The following SCAP variants were observed in gnomAD, a reference collection of about 807,000 sequenced individuals.
The protein encoded by SCAP is SREBF chaperone, also known as sterol regulatory element-binding protein cleavage-activating protein.
Under a neutral mutation model 123.6 loss-of-function variants are expected in SCAP, and 65 were observed. That is an observed-to-expected ratio of 0.53 (90% CI 0.43 to 0.65). SCAP has a LOEUF of 0.65. SCAP is among the 30% of genes least tolerant of loss of function. The pLI is 0.00. For synonymous variants in SCAP, 740 were observed against 726.3 expected, an observed-to-expected ratio of 1.02 and a Z score of -0.30; for missense variants, 1,398 against 1,712.5, an observed-to-expected ratio of 0.82 and a Z score of 3.24.
At position 47,420,482 on chromosome 3, in the gene SCAP, G is replaced by A. The variant is rs192968892; in HGVS notation, c.1563+72C>T. The A allele has an allele frequency of 4.4e-6, 6 of 1,375,696 alleles. No individual in the cohort carries two copies. The highest frequency in any genetic ancestry group is 1.4e-5 in the African/African-American group (1 of 69,664). The allele number at this position is 1,375,696 out of a possible 1,614,324, so 85.2% of individuals were successfully genotyped here. On this transcript the variant is annotated intron_variant, in intron 12 of 22. Transcript: ENST00000265565. This position sits in a 1 kb window ranked among gnomAD's most constrained non-coding sequence, Gnocchi z 5.0. ...ATACCCTTTGCCACTCTAAGGCCAA[G>A]TGCAGCACCACAAGGGGCCTGGAGC... is the stretch of plus-strand genomic sequence containing the variant.
chr3:47,423,956 T>G lies in SCAP; in HGVS notation c.1127A>C (p.Glu376Ala). The G allele has an allele frequency of 6.2e-7, 1 of 1,613,960 alleles. No homozygotes were observed. Among genetic ancestry groups the G allele is most frequent in the African/African-American group, 1.3e-5 (1 of 75,040 alleles). The change falls in exon 9 of 23, where the codon GAG becomes GCG. Residue 376 changes from glutamate to alanine, a missense_variant. Physicochemically the swap from Glu to Ala is moderately radical, Grantham distance 107. Coordinates refer to ENST00000265565, the MANE Select transcript of SCAP (RefSeq NM_012235.4). Reference sequence around the variant, plus strand: ...ACCTTGGGCGATCCGCAGCTTCACCTCCAGGTCTACCGGGGTTGAGACCAC... The same window carrying G: ...ACCTTGGGCGATCCGCAGCTTCACCGCCAGGTCTACCGGGGTTGAGACCAC... Reference protein sequence around the residue: ...KSVVSTPVDLEVKLRIAQGLS... With the variant: ...KSVVSTPVDLAVKLRIAQGLS...
In SCAP at chr3:47,419,473, C is replaced by T; in HGVS notation, c.1795G>A (p.Glu599Lys). 1 of 1,613,966 alleles carries T rather than the reference C, an allele frequency of 6.2e-7. No individual in the cohort carries two copies. The highest frequency in any genetic ancestry group is 8.5e-7 in the Non-Finnish European group (1 of 1,180,004). Residue 599 changes from glutamate (E) to lysine (K), a missense_variant, in exon 13 of 23, where the codon GAG (glutamate) becomes AAG (lysine). Glu to Lys is a moderately conservative substitution (Grantham distance 56, BLOSUM62 1). Coordinates refer to ENST00000265565, the MANE Select transcript of SCAP (RefSeq NM_012235.4). The surrounding 1 kb of genome is among the most constrained non-coding windows in gnomAD (Gnocchi z 5.0). ...ENQTSPGESPERGGPAEVVHD... is the reference protein window; with the variant it reads ...ENQTSPGESPKRGGPAEVVHD... Reference sequence around the variant, plus strand: ...ACAACCTCTGCTGGACCTCCACGCTCAGGTGACTCGCCTGGCGACGTCTGG... The same window carrying T: ...ACAACCTCTGCTGGACCTCCACGCTTAGGTGACTCGCCTGGCGACGTCTGG...
chr3:47,418,626 T>TGCC, intron 14 of SCAP, 29 bp downstream of exon 14: 49 of 1,459,358 alleles, frequency 3.4e-5, no homozygotes, highest in African/African-American at 4.2e-5. Flanking sequence ...CCGCACTCTT[T>TGCC]CCCACCCCAC....
intron 1 of SCAP, among the ~76,000 whole-genome samples, chr3:47,446,237 A>G (rs1707037516): frequency 6.8e-6 from 1 of 146,484 alleles, no homozygotes; most frequent in Admixed American, 6.8e-5. Context: ...GCAGTGGCAC[A>G]GTCTCAGCTT....
intron 3 of SCAP, among the ~76,000 whole-genome samples, chr3:47,433,549 C>A (rs974009902): frequency 6.6e-6 from 1 of 152,176 alleles, no homozygotes; most frequent in Non-Finnish European, 1.5e-5. Flanking sequence ...ACAAATATTC[C>A]CTTATGTGCT....
intron 1 of SCAP, among the ~76,000 whole-genome samples, chr3:47,474,067 G>C (rs12492433): frequency 6.6e-6 from 1 of 151,836 alleles, no homozygotes; most frequent in Non-Finnish European, 1.5e-5. Context: ...AGATAGAGAC[G>C]ATCCTGGCTA....
intron 2 of SCAP, among the ~76,000 whole-genome samples, chr3:47,436,694 C>T (rs557331886): frequency 2.0e-5 from 3 of 152,252 alleles, no homozygotes; most frequent in Non-Finnish European, 2.9e-5. Flanking sequence ...TCAGATCTCA[C>T]TTTCTTAAAA....
At chr3:47,448,591 G>C (rs1707141845) in intron 1 of SCAP, among the ~76,000 whole-genome samples, 1 of 151,438 alleles carries the variant, frequency 6.6e-6, no homozygotes, top group Admixed American at 6.6e-5. Context: ...CTGTTGGTCA[G>C]ACTGGATAAT....
Position 47,420,817 on chromosome 3 carries a change from G to A in SCAP, c.1345-45C>T. ...CAGGGCCTGAGTCCACCATCCAGAG[G>A]CTGCTCGCACAGGACCGCTGTCCTG... On this transcript the variant is annotated intron_variant, in intron 11 of 22. Transcript: ENST00000265565. This position sits in a 1 kb window ranked among gnomAD's most constrained non-coding sequence, Gnocchi z 5.0. 1.9e-6 allele frequency: 3 copies of A among 1,597,694 alleles called. No individual in the cohort carries two copies. The highest frequency in any genetic ancestry group is 1.1e-5 in the South Asian group (1 of 90,498).
Position 47,419,806 on chromosome 3 carries a change from G to T in SCAP, c.1564-102C>A. On this transcript the variant is annotated intron_variant, in intron 12 of 22. Coordinates refer to ENST00000265565, the MANE Select transcript of SCAP (RefSeq NM_012235.4). The surrounding 1 kb of genome is among the most constrained non-coding windows in gnomAD (Gnocchi z 5.0). ...AAGCAGCACAGGGACCTCAGGCCTGGGGATGGAGAGAGGACACAGGCCCCA... is the reference window on the plus strand; with the variant it reads ...AAGCAGCACAGGGACCTCAGGCCTGTGGATGGAGAGAGGACACAGGCCCCA... 1 of 1,370,512 alleles carries T rather than the reference G, an allele frequency of 7.3e-7. No individual in the cohort carries two copies. The highest frequency in any genetic ancestry group is 9.7e-7 in the Non-Finnish European group (1 of 1,026,160). 84.9% of individuals were successfully genotyped at this position (1,370,512 alleles called of 1,614,324 possible).
At chr3:47,469,342 C>G (rs892647144) in intron 1 of SCAP, among the ~76,000 whole-genome samples, 2 of 151,848 alleles carry the variant, frequency 1.3e-5, no homozygotes, top group Admixed American at 1.3e-4. Flanking sequence ...GAGACTCCGT[C>G]TCAAAAAAAA....
intron 1 of SCAP, among the ~76,000 whole-genome samples, chr3:47,457,263 TTG>T (rs2107979111): frequency 6.6e-6 from 1 of 152,276 alleles, no homozygotes; most frequent in African/African-American, 2.4e-5. Context: ...CTTTCCAATT[TTG>T]TGTCATGTAA....
chr3:47,418,055 G>A (rs1161124708), intron 16 of SCAP, 79 bp downstream of exon 16: 14 of 1,042,578 alleles, frequency 1.3e-5, no homozygotes, highest in Non-Finnish European at 1.8e-5. Context: ...AGGAAGAAAG[G>A]AGGGGAGATA....
At chr3:47,444,808 G>C (rs1456282604) in intron 1 of SCAP, among the ~76,000 whole-genome samples, 2 of 143,274 alleles carry the variant, frequency 1.4e-5, no homozygotes, top group African/African-American at 2.6e-5. Flanking sequence ...TTGAGATGGG[G>C]TTGCCCAGGC....
At chr3:47,415,616 A>G (rs574559204) in intron 18 of SCAP, among the ~76,000 whole-genome samples, 10 of 152,294 alleles carry the variant, frequency 6.6e-5, no homozygotes, top group Non-Finnish European at 1.3e-4. Flanking sequence ...GCTTCAACCC[A>G]AGCACAGCTC....
intron 1 of SCAP, among the ~76,000 whole-genome samples, chr3:47,456,014 TAAAC>T (rs1468799140): frequency 2.0e-5 from 3 of 152,162 alleles, no homozygotes; most frequent in African/African-American, 7.2e-5. Context: ...CAGTAAATGA[TAAAC>T]AAGTAGGAGA....
At chr3:47,429,313 G>A (rs1197015899) in intron 3 of SCAP, among the ~76,000 whole-genome samples, 3 of 152,266 alleles carry the variant, frequency 2.0e-5, no homozygotes, top group Non-Finnish European at 4.4e-5. Flanking sequence ...AAGCACTGTG[G>A]GACCAGGTGT....
At chr3:47,472,561 C>T (rs1356558745) in intron 1 of SCAP, among the ~76,000 whole-genome samples, 1 of 151,950 alleles carries the variant, frequency 6.6e-6, no homozygotes, top group African/African-American at 2.4e-5. Flanking sequence ...TGCTTACATA[C>T]CAACTTTGGA....
rs1707944910 is a variant in SCAP, at chr3:47,469,173, C to A, written c.-99+6626G>T. Among the ~76,000 whole-genome samples, 3 of 152,250 alleles carry A rather than the reference C, an allele frequency of 2.0e-5. No individual in the cohort carries two copies. In the South Asian group the frequency reaches 6.2e-4, roughly 32 times the overall value. ...GACCAGCCTGGCCAACATGGTGAAA[C>A]CCTATCTCTACAAAAAATACAAAAA... On this transcript the variant is annotated intron_variant, in intron 1 of 22. Transcript: ENST00000265565.
Sources: gnomAD v4.1 joint callset for allele counts (sites outside exome capture counted in the v4.1 genomes callset) on GRCh38, gnomAD v4.1.1 for gene constraint, Gnocchi (gnomAD v3.1) non-coding constraint, MANE v1.5 for transcripts, NCBI Gene and HGNC (gene_info 2026-07-23, HGNC 2026-07-21) for gene names.